TMEM127: variants seen among roughly 807,000 people sequenced by gnomAD.
TMEM127 encodes the protein transmembrane protein 127.
TMEM127 carries 21 observed loss-of-function variants against 20.1 expected under a neutral mutation model. The ratio of observed to expected loss-of-function variants is 1.04; its 90% CI spans 0.74 to 1.50. The LOEUF (loss-of-function observed/expected upper bound fraction) is 1.50. TMEM127 is among the 40% of genes most tolerant of loss of function. TMEM127 has a pLI of 0.00. For synonymous variants in TMEM127, 150 were observed against 144.7 expected, an observed-to-expected ratio of 1.04 and a Z score of -0.26; for missense variants, 303 against 317.4, an observed-to-expected ratio of 0.95 and a Z score of 0.34.
rs2104308714 is a variant in TMEM127, at chr2:96,265,385, CG to C, written c.-5del. The C allele has an allele frequency of 1.5e-6, 2 of 1,374,786 alleles. No individual in the cohort carries two copies. Among genetic ancestry groups the C allele is most frequent in the Non-Finnish European group, 1.9e-6 (2 of 1,070,430 alleles). The allele number at this position is 1,374,786 out of a possible 1,614,324, so 85.2% of individuals were successfully genotyped here. A position where few individuals can be genotyped will look rare whatever the true frequency, so the allele number is the denominator to read the frequency against. The stretch of plus-strand genomic sequence containing the variant: ...CTGCGCCTCCGGGGGCGTACATGCC[CG>C]GGGCCGCCCGCCGTCGCTCCGCAGT... On this transcript the variant is annotated 5_prime_UTR_variant, in exon 2 of 4. Transcript: ENST00000258439.
chr2:96,263,360 C>CTTT (rs1157265984), intron 2 of TMEM127, among the ~76,000 whole-genome samples: 2 of 109,398 alleles, frequency 1.8e-5, no homozygotes, highest in Non-Finnish European at 3.9e-5. Context: ...CCTGGCCTTT[C>CTTT]TTTTTTTTTT....
At chr2:96,261,470 A>C (rs1449639675) in intron 2 of TMEM127, among the ~76,000 whole-genome samples, 1 of 152,172 alleles carries the variant, frequency 6.6e-6, no homozygotes, top group Non-Finnish European at 1.5e-5. Flanking sequence ...CTTTGGAGCC[A>C]GCTTTCATTG....
intron 2 of TMEM127, among the ~76,000 whole-genome samples, chr2:96,264,009 G>C (rs1054098576): frequency 6.6e-6 from 1 of 152,162 alleles, no homozygotes; most frequent in Non-Finnish European, 1.5e-5. Context: ...GTACCATTAA[G>C]GTGAAATCTG....
rs1406470818 is a variant in TMEM127 at position 96,265,370 on chromosome 2, G to A, written c.12C>T (p.Pro4=). The A allele has an allele frequency of 1.7e-5, 25 of 1,466,022 alleles. No individual in the cohort carries two copies. Among genetic ancestry groups the A allele is most frequent in the South Asian group, 1.1e-4 (8 of 73,678 alleles). The allele number at this position is 1,466,022 out of a possible 1,614,324, so 90.8% of individuals were successfully genotyped here. MYA[P]GGAGLPGGRR... is the part of the protein sequence containing the mutation. ...GCCCGCCGGGCAGCCCTGCGCCTCC[G>A]GGGGCGTACATGCCCGGGGCCGCCC... The change falls in exon 2 of 4, where the codon CCC becomes CCT. Residue 4 remains proline (P), a synonymous_variant. Coordinates refer to ENST00000258439, the MANE Select transcript of TMEM127 (RefSeq NM_017849.4).
intron 2 of TMEM127, among the ~76,000 whole-genome samples, chr2:96,259,958 A>G (rs1242079408): frequency 6.6e-6 from 1 of 152,220 alleles, no homozygotes; most frequent in African/African-American, 2.4e-5. Context: ...GTGTGGACCA[A>G]GGCCTACTAA....
intron 2 of TMEM127, among the ~76,000 whole-genome samples, chr2:96,255,372 A>G (rs537964713): frequency 6.6e-6 from 1 of 152,362 alleles, no homozygotes; most frequent in East Asian, 1.9e-4. Context: ...TTTGGAGCTG[A>G]GACAGCCAGA....
rs758676810 is a variant in TMEM127 at position 96,254,006 on chromosome 2, G to A, written c.519C>T (p.Phe173=). 101 of 1,614,044 alleles carry A rather than the reference G, an allele frequency of 6.3e-5. No homozygotes were observed. Among genetic ancestry groups the A allele is most frequent in the Middle Eastern group, 1.6e-4 (1 of 6,084 alleles). ...CTGCCACCAGGTAGAAGCTAACGGCGAAGGTGACATAGACCTGGGATCCAT... is the reference window on the plus strand; with the variant it reads ...CTGCCACCAGGTAGAAGCTAACGGCAAAGGTGACATAGACCTGGGATCCAT... ...KYHGSQVYVT[F]AVSFYLVAGA... is the part of the protein sequence containing the mutation. Residue 173 remains phenylalanine, a synonymous_variant, in exon 4 of 4, where the codon TTC becomes TTT. Transcript: ENST00000258439.
chr2:96,263,009 T>C (rs1291290424), intron 2 of TMEM127, among the ~76,000 whole-genome samples: 1 of 150,490 alleles, frequency 6.6e-6, no homozygotes, highest in East Asian at 2.0e-4. Context: ...AAAGGGTAAA[T>C]ACACATGTGA....
intron 2 of TMEM127, among the ~76,000 whole-genome samples, chr2:96,262,335 A>G (rs1282252452): frequency 6.6e-6 from 1 of 151,984 alleles, no homozygotes; most frequent in African/African-American, 2.4e-5. Flanking sequence ...TGAGATGTGG[A>G]ATACTCCAGG....
At chr2:96,265,588 G>T in intron 1 of TMEM127, 76 bp from the exon 2 acceptor site, 1 of 553,470 alleles carries the variant, frequency 1.8e-6, no homozygotes, top group East Asian at 3.8e-5. Flanking sequence ...CGGGAATTCG[G>T]GGGGCGGAGA....
intron 2 of TMEM127, among the ~76,000 whole-genome samples, chr2:96,264,011 T>G (rs181067310): frequency 6.6e-6 from 1 of 152,280 alleles, no homozygotes; most frequent in African/African-American, 2.4e-5. Context: ...ACCATTAAGG[T>G]GAAATCTGGA....
intron 2 of TMEM127, among the ~76,000 whole-genome samples, chr2:96,255,793 C>T (rs1325863536): frequency 6.6e-6 from 1 of 151,568 alleles, no homozygotes; most frequent in Non-Finnish European, 1.5e-5. Flanking sequence ...GCCTGGGCAA[C>T]ATAGTGAGAC....
chr2:96,252,287 C>T lies in TMEM127; in HGVS notation c.*1521G>A, dbSNP rs1457736396. The T allele has an allele frequency of 4.3e-6, 1 of 233,400 alleles. No homozygotes were observed. Among genetic ancestry groups the T allele is most frequent in the Non-Finnish European group, 8.5e-6 (1 of 118,114 alleles). 14.5% of individuals were successfully genotyped at this position (233,400 alleles called of 1,614,324 possible). A position where few individuals can be genotyped will look rare whatever the true frequency, so the allele number is the denominator to read the frequency against. Reference sequence around the variant, plus strand: ...CATTCTCCAGTCTTGCTCAAACTATCTATCACCTTAAAGGTTGGAAGAGAT... The same window carrying T: ...CATTCTCCAGTCTTGCTCAAACTATTTATCACCTTAAAGGTTGGAAGAGAT... On this transcript the variant is annotated 3_prime_UTR_variant, in exon 4 of 4. Transcript: ENST00000258439. The surrounding 1 kb of genome is among the most constrained non-coding windows in gnomAD (Gnocchi z 4.2).
intron 2 of TMEM127, among the ~76,000 whole-genome samples, chr2:96,264,730 C>T (rs763054867): frequency 2.6e-5 from 4 of 152,240 alleles, no homozygotes; most frequent in Non-Finnish European, 5.9e-5. Context: ...CCATAGAACT[C>T]TAAGATATCT....
intron 2 of TMEM127, among the ~76,000 whole-genome samples, chr2:96,257,394 G>A (rs1056855719): frequency 6.6e-6 from 1 of 152,070 alleles, no homozygotes; most frequent in South Asian, 2.1e-4. Context: ...CCCTGGAGAC[G>A]GAGGTTGCAG....
intron 2 of TMEM127, among the ~76,000 whole-genome samples, chr2:96,264,338 G>A (rs577113184): frequency 6.6e-6 from 1 of 152,330 alleles, no homozygotes; most frequent in South Asian, 2.1e-4. Flanking sequence ...ATAGCACAGA[G>A]AGGATATAAG....
chr2:96,265,448 G>C lies in TMEM127; in HGVS notation c.-67C>G. 1 of 1,301,936 alleles carries C rather than the reference G, an allele frequency of 7.7e-7. No homozygotes were observed. Among genetic ancestry groups the C allele is most frequent in the Middle Eastern group, 2.9e-4 (1 of 3,430 alleles). 80.6% of individuals were successfully genotyped at this position (1,301,936 alleles called of 1,614,324 possible). On this transcript the variant is annotated 5_prime_UTR_variant, in exon 2 of 4. Coordinates refer to ENST00000258439, the MANE Select transcript of TMEM127 (RefSeq NM_017849.4). ...GCCGCCGACCTCCGCGGGGCGCGCA[G>C]AGCCTGACAGTCCGGTGGAGGATAG... is the stretch of plus-strand genomic sequence containing the variant.
rs1684131451 is a variant in TMEM127, at chr2:96,253,376, G to C, written c.*432C>G. On this transcript the variant is annotated 3_prime_UTR_variant, in exon 4 of 4. Coordinates refer to ENST00000258439, the MANE Select transcript of TMEM127 (RefSeq NM_017849.4). This position sits in a 1 kb window ranked among gnomAD's most constrained non-coding sequence, Gnocchi z 4.3. ...TGGGGGGCGTCAGCCCAGAGCTACA[G>C]CTGTGGAGCAAACACTGATCCCTGT... The C allele has an allele frequency of 3.9e-6, 1 of 258,792 alleles. No homozygotes were observed. The highest frequency in any genetic ancestry group is 7.5e-6 in the Non-Finnish European group (1 of 132,844). The allele number at this position is 258,792 out of a possible 1,614,324, so 16.0% of individuals were successfully genotyped here. A position where few individuals can be genotyped will look rare whatever the true frequency, so the allele number is the denominator to read the frequency against.
At chr2:96,257,296 T>C (rs1263340715) in intron 2 of TMEM127, among the ~76,000 whole-genome samples, 1 of 151,660 alleles carries the variant, frequency 6.6e-6, no homozygotes, top group Non-Finnish European at 1.5e-5. Context: ...ACCCCGTCTC[T>C]ACTAAAAATA....
Sources: gnomAD v4.1 joint callset for allele counts (sites outside exome capture counted in the v4.1 genomes callset) on GRCh38, gnomAD v4.1.1 for gene constraint, Gnocchi (gnomAD v3.1) non-coding constraint, MANE v1.5 for transcripts, NCBI Gene and HGNC (gene_info 2026-07-23, HGNC 2026-07-21) for gene names.